Variants in LFNG observed in about 807,000 individuals in gnomAD.
The protein encoded by LFNG is LFNG O-fucosylpeptide 3-beta-N-acetylglucosaminyltransferase.
Under a neutral mutation model 32.7 loss-of-function variants are expected in LFNG, and 15 were observed. The ratio of observed to expected loss-of-function variants is 0.46; its 90% CI spans 0.31 to 0.71. LFNG has a LOEUF of 0.71. Ranked by LOEUF, LFNG falls within the 30% of genes least tolerant of loss-of-function variation. LFNG has a pLI of 0.06. For synonymous variants in LFNG, 274 were observed against 246.8 expected (o/e 1.11, Z -1.03); for missense variants, 520 against 545.7 (o/e 0.95, Z 0.47).
downstream of LFNG, chr7:2,528,875 T>G (rs1286727497): frequency 1.4e-5 from 8 of 575,182 alleles, no homozygotes; most frequent in Non-Finnish European, 2.6e-5. Context: ...ACTTTGCAGG[T>G]GGGGAAACTG....
rs990782032 is a variant in LFNG, at chr7:2,526,605, C to T, written c.987+196C>T. On this transcript the variant is annotated intron_variant, in intron 6 of 7. Transcript: ENST00000222725. This position sits in a 1 kb window ranked among gnomAD's most constrained non-coding sequence, Gnocchi z 6.9. The stretch of plus-strand genomic sequence containing the variant: ...GGGTTGTTTTCCTGCCGTCTCTTCT[C>T]TTCACTGTGATGCGCCTACTGTGCG... Among the ~76,000 whole-genome samples the T allele has an allele frequency of 1.3e-5, 2 of 152,180 alleles. No individual in the cohort carries two copies. The highest frequency in any genetic ancestry group is 6.5e-5 in the Admixed American group (1 of 15,284).
chr7:2,525,771 G>C lies in LFNG; in HGVS notation c.821+1G>C, dbSNP rs1201303882. 6.2e-7 allele frequency: 1 copy of C among 1,610,814 alleles called. No individual in the cohort carries two copies. Among genetic ancestry groups the C allele is most frequent in the Non-Finnish European group, 8.5e-7 (1 of 1,179,666 alleles). The stretch of plus-strand genomic sequence containing the variant: ...CTCTGAAGATGAGCCCGTGGGCCAG[G>C]TGAGTGCCCTGCACAGGTTAGGCCA... On this transcript the variant is annotated splice_donor_variant, in intron 5 of 7. Coordinates refer to ENST00000222725, the MANE Select transcript of LFNG (RefSeq NM_001040167.2). LOFTEE classifies it high-confidence loss of function.
Position 2,527,363 on chromosome 7 carries a change from C to T in LFNG, c.*151C>T. 6.6e-7 allele frequency: 1 copy of T among 1,510,140 alleles called. No individual in the cohort carries two copies. The allele number at this position is 1,510,140 out of a possible 1,614,324, so 93.5% of individuals were successfully genotyped here. A position where few individuals can be genotyped will look rare whatever the true frequency, so the allele number is the denominator to read the frequency against. On this transcript the variant is annotated 3_prime_UTR_variant, in exon 8 of 8. Transcript: ENST00000222725. The surrounding 1 kb of genome is among the most constrained non-coding windows in gnomAD (Gnocchi z 4.4). ...GTGTGTGTGTGTGTGTACTGCATGC[C>T]CACCCGGGTAGCAGGCTGCTGGGCA... is the stretch of plus-strand genomic sequence containing the variant.
At position 2,526,394 on chromosome 7, in the gene LFNG, G is replaced by A. The variant is rs12700028; in HGVS notation, c.972G>A (p.Ser324=). ...HLENLQQVPT[S]ELHEQVTLSY... is the part of the protein sequence containing the mutation. Reference sequence around the variant, plus strand: ...AGAACCTGCAGCAGGTGCCCACCTCGGAGCTCCACGAGCAGGTGCACCATC... The same window carrying A: ...AGAACCTGCAGCAGGTGCCCACCTCAGAGCTCCACGAGCAGGTGCACCATC... Residue 324 remains serine (S), a synonymous_variant, in exon 6 of 8, where the codon TCG becomes TCA. Coordinates refer to ENST00000222725, the MANE Select transcript of LFNG (RefSeq NM_001040167.2). This position sits in a 1 kb window ranked among gnomAD's most constrained non-coding sequence, Gnocchi z 6.9. 89,159 of 1,608,466 alleles carry A rather than the reference G, an allele frequency of 0.055. 2,925 individuals are homozygous for A. Among genetic ancestry groups the A allele is most frequent in the Non-Finnish European group, 0.065 (76,758 of 1,179,836 alleles).
chr7:2,520,854 CCG>C lies in LFNG; in HGVS notation c.432+563_432+564del, dbSNP rs1779768692. On this transcript the variant is annotated intron_variant, in intron 1 of 7. Coordinates refer to ENST00000222725, the MANE Select transcript of LFNG (RefSeq NM_001040167.2). The surrounding 1 kb of genome is among the most constrained non-coding windows in gnomAD (Gnocchi z 5.0). ...TTTGGGGTCTGTGTGGGGACCCTCC[CCG>C]CACAGTGCAGTAGTCTCTGAGGCCT... Among the ~76,000 whole-genome samples, 3 of 152,186 alleles carry C rather than the reference CCG, an allele frequency of 2.0e-5. No homozygotes were observed. Among genetic ancestry groups the C allele is most frequent in the African/African-American group, 4.8e-5 (2 of 41,448 alleles).
At chr7:2,514,424 C>G (rs1779558816), upstream of LFNG, among the ~76,000 whole-genome samples, 1 of 152,244 alleles carries the variant, frequency 6.6e-6, no homozygotes, top group South Asian at 2.1e-4. Context: ...AGCTGACATC[C>G]AGCACCCTCC....
upstream of LFNG, among the ~76,000 whole-genome samples, chr7:2,514,727 T>TGTC (rs1297874544): frequency 2.2e-5 from 3 of 134,268 alleles, no homozygotes; most frequent in African/African-American, 1.0e-4. Context: ...TCCATTCACC[T>TGTC]GTCCATCCAT....
upstream of LFNG, among the ~76,000 whole-genome samples, chr7:2,515,621 G>A (rs1262856646): frequency 2.6e-5 from 4 of 152,262 alleles, no homozygotes; most frequent in African/African-American, 9.6e-5. Context: ...CCAGGCCACT[G>A]TTGGAAAGGC....
At chr7:2,513,879 G>T (rs1039817048), upstream of LFNG, among the ~76,000 whole-genome samples, 3 of 152,354 alleles carry the variant, frequency 2.0e-5, no homozygotes, top group East Asian at 5.8e-4. Flanking sequence ...AGACAGAAGC[G>T]CCAGAAAGAG....
chr7:2,528,817 T>C, downstream of LFNG: 1 of 634,362 alleles, frequency 1.6e-6, no homozygotes, highest in Non-Finnish European at 2.9e-6. Flanking sequence ...GGCCTCCTTA[T>C]CCAACTTCAC....
rs939411540 is a variant in LFNG, at chr7:2,525,560, A to G, written c.728A>G (p.Asn243Ser). The change falls in exon 4 of 8, where the codon AAC (asparagine) becomes AGC (serine). Residue 243 changes from asparagine (N) to serine (S), a missense_variant. Around this residue, in one of 3 missense-constraint regions of LFNG, gnomAD observed 360 missense variants for 354.7 expected, o/e 1.01. Transcript: ENST00000222725. ...CAGGCCATGGAGCGGGTCAGCGAGA[A>G]CAAGGTGGTGAGTGCCTGCCCCTCC... ...PIQAMERVSENKVRPVHFWFA... is the reference protein window; with the variant it reads ...PIQAMERVSESKVRPVHFWFA... 1 of 1,612,314 alleles carries G rather than the reference A, an allele frequency of 6.2e-7. No individual in the cohort carries two copies. The highest frequency in any genetic ancestry group is 1.3e-5 in the African/African-American group (1 of 74,946).
At chr7:2,518,738 C>A, upstream of LFNG, 2 of 1,198,704 alleles carry the variant, frequency 1.7e-6, no homozygotes, top group Non-Finnish European at 2.3e-6. Flanking sequence ...TAGGAGGGCA[C>A]GGGAAGACAG....
chr7:2,517,837 C>A, upstream of LFNG: 1 of 1,230,150 alleles, frequency 8.1e-7, no homozygotes, highest in Non-Finnish European at 1.0e-6. Flanking sequence ...TCAGGCGGGA[C>A]TTTAACTCAG....
rs1780016549 is a variant in LFNG at position 2,527,271 on chromosome 7, C to G, written c.*59C>G. The G allele has an allele frequency of 1.3e-6, 2 of 1,596,968 alleles. No homozygotes were observed. Among genetic ancestry groups the G allele is most frequent in the Non-Finnish European group, 1.7e-6 (2 of 1,175,962 alleles). ...CTGGTATCCAAAGGGCCCAGGGACC[C>G]TGTTGCGCTGCCCTGGCCTCGGCAT... On this transcript the variant is annotated 3_prime_UTR_variant, in exon 8 of 8. Transcript: ENST00000222725. This position sits in a 1 kb window ranked among gnomAD's most constrained non-coding sequence, Gnocchi z 4.4.
chr7:2,523,421 G>A (rs989569470), intron 1 of LFNG, among the ~76,000 whole-genome samples: 2 of 152,248 alleles, frequency 1.3e-5, no homozygotes, highest in Non-Finnish European at 2.9e-5. Context: ...CTACCAAGGT[G>A]TTCCAGGGCC....
Position 2,527,315 on chromosome 7 carries a change from C to CATGCCT in LFNG, c.*103_*104insATGCCT. On this transcript the variant is annotated 3_prime_UTR_variant, in exon 8 of 8. Transcript: ENST00000222725. The surrounding 1 kb of genome is among the most constrained non-coding windows in gnomAD (Gnocchi z 4.4). ...TCGGCATTCGAGGCTCCCCTAGGGC[C>CATGCCT]GTGCCTGTGCGTGTGCGTGTGCGTG... 2.6e-6 allele frequency: 4 copies of CATGCCT among 1,536,088 alleles called. No homozygotes were observed. Among genetic ancestry groups the CATGCCT allele is most frequent in the Non-Finnish European group, 3.5e-6 (4 of 1,149,132 alleles).
Position 2,528,379 on chromosome 7 carries a change from G to T in LFNG, c.*1167G>T, listed in dbSNP as rs557575315. On this transcript the variant is annotated 3_prime_UTR_variant, in exon 8 of 8. Transcript: ENST00000222725. ...AAAGTTCTCAGGGAATTGAAGTGTT[G>T]TTGCTATGGTGACGTCCTTTTGCTG... 79 of 986,586 alleles carry T rather than the reference G, an allele frequency of 8.0e-5. No homozygotes were observed. The African/African-American group carries it at 1.3e-3, about 16-fold the overall frequency. The allele number at this position is 986,586 out of a possible 1,614,324, so 61.1% of individuals were successfully genotyped here. A position where few individuals can be genotyped will look rare whatever the true frequency, so the allele number is the denominator to read the frequency against.
chr7:2,519,794 C>G lies in LFNG; in HGVS notation c.-68C>G, dbSNP rs1226953786. The G allele has an allele frequency of 1.1e-6, 1 of 929,758 alleles. No individual in the cohort carries two copies. The highest frequency in any genetic ancestry group is 1.8e-5 in the African/African-American group (1 of 55,858). 57.6% of individuals were successfully genotyped at this position (929,758 alleles called of 1,614,324 possible). ...GCGCTGCTGGACTGCGCCGCCGGAG[C>G]GACGGGCTTCGGGTCGGTGCAAGGC... On this transcript the variant is annotated 5_prime_UTR_variant, in exon 1 of 8. Transcript: ENST00000222725.
Position 2,526,934 on chromosome 7 carries a change from C to T in LFNG, c.1073+13C>T, listed in dbSNP as rs372074206. 63 of 1,611,066 alleles carry T rather than the reference C, an allele frequency of 3.9e-5. No individual in the cohort carries two copies. The highest frequency in any genetic ancestry group is 1.6e-4 in the Middle Eastern group (1 of 6,082). On this transcript the variant is annotated intron_variant, in intron 7 of 7. Coordinates refer to ENST00000222725, the MANE Select transcript of LFNG (RefSeq NM_001040167.2). This position sits in a 1 kb window ranked among gnomAD's most constrained non-coding sequence, Gnocchi z 6.9. ...CCGACCCATCCAGGTAAGGAAACCC[C>T]GGCCCAGATGGGCTTGCGTAGGGTG...
Sources: gnomAD v4.1 joint callset for allele counts (sites outside exome capture counted in the v4.1 genomes callset) on GRCh38, gnomAD v4.1.1 for gene constraint, gnomAD v4.1.1 regional missense constraint, Gnocchi (gnomAD v3.1) non-coding constraint, MANE v1.5 for transcripts, NCBI Gene and HGNC (gene_info 2026-07-23, HGNC 2026-07-21) for gene names.